Variants in PRKG1 observed in about 807,000 individuals in gnomAD.
PRKG1 encodes protein kinase cGMP-dependent 1, also known as cGMP-dependent protein kinase 1.
Under a neutral mutation model 88.1 loss-of-function variants are expected in PRKG1, and 35 were observed. The ratio of observed to expected loss-of-function variants is 0.40; its 90% CI spans 0.30 to 0.53. The LOEUF (loss-of-function observed/expected upper bound fraction) is 0.53. Among genes scored for constraint, PRKG1 ranks in the 20% least tolerant of loss-of-function variants. The pLI, the probability that PRKG1 is intolerant of heterozygous loss-of-function variation, is 0.59. For missense variants in PRKG1, 540 were observed against 839.8 expected, an observed-to-expected ratio of 0.64 and a Z score of 4.41; for synonymous variants, 303 against 292.5, an observed-to-expected ratio of 1.04 and a Z score of -0.37.
Position 51,806,971 on chromosome 10 carries a change from T to C in PRKG1, c.698+2281T>C, listed in dbSNP as rs1229398366. ...TAAAAGCTGCCTTTCCATGTATACT[T>C]ACCTCATTACACTGAGAAGTCACGT... On this transcript the variant is annotated intron_variant, in intron 4 of 17. Transcript: ENST00000373980. Among the ~76,000 whole-genome samples the C allele has an allele frequency of 4.6e-5, 7 of 152,184 alleles. No homozygotes were observed. The East Asian group carries it at 1.3e-3, about 29-fold the overall frequency.
intron 9 of PRKG1, among the ~76,000 whole-genome samples, chr10:52,219,630 C>G (rs1449286931): frequency 6.6e-6 from 1 of 151,924 alleles, no homozygotes; most frequent in Non-Finnish European, 1.5e-5. Context: ...TTAAATAACC[C>G]CCATACTGGC....
At chr10:51,522,900 T>C (rs771161247) in intron 3 of PRKG1, among the ~76,000 whole-genome samples, 3 of 151,638 alleles carry the variant, frequency 2.0e-5, no homozygotes, top group Non-Finnish European at 4.4e-5. Context: ...AGATTATTAC[T>C]GTATTTATTA....
Position 52,037,707 on chromosome 10 carries a change from C to T in PRKG1, c.763-16777C>T, listed in dbSNP as rs529137823. Among the ~76,000 whole-genome samples, 214 of 152,166 alleles carry T rather than the reference C, an allele frequency of 1.4e-3. 1 individual carries two copies. Among genetic ancestry groups the T allele is most frequent in the African/African-American group, 4.5e-3 (186 of 41,532 alleles). ...AGGAGGGGGAGGGCTAGTCATGGAA[C>T]GAAACTGTAAGCCAGACCAGGTGTG... On this transcript the variant is annotated intron_variant, in intron 5 of 17. Transcript: ENST00000373980.
At chr10:51,541,896 G>T (rs1441419213) in intron 3 of PRKG1, among the ~76,000 whole-genome samples, 1 of 151,918 alleles carries the variant, frequency 6.6e-6, no homozygotes, top group Non-Finnish European at 1.5e-5. Context: ...ATGTAAGATA[G>T]AACTTATTAA....
chr10:52,107,532 A>G (rs1365558057), intron 7 of PRKG1, among the ~76,000 whole-genome samples: 3 of 152,216 alleles, frequency 2.0e-5, no homozygotes, highest in African/African-American at 7.2e-5. Context: ...CAAAATATTT[A>G]TAATATGCAC....
chr10:51,575,953 T>C (rs1269677891), intron 3 of PRKG1, among the ~76,000 whole-genome samples: 1 of 151,982 alleles, frequency 6.6e-6, no homozygotes, highest in Non-Finnish European at 1.5e-5. Context: ...AAATAATACA[T>C]ATTCATTGTT....
intron 5 of PRKG1, among the ~76,000 whole-genome samples, chr10:52,052,452 A>G (rs1413319820): frequency 6.8e-6 from 1 of 146,072 alleles, no homozygotes; most frequent in Non-Finnish European, 1.5e-5. Flanking sequence ...TAATTAAATT[A>G]ACTAGGCATG....
chr10:51,532,217 G>A (rs1282307371), intron 3 of PRKG1, among the ~76,000 whole-genome samples: 3 of 152,134 alleles, frequency 2.0e-5, no homozygotes, highest in African/African-American at 7.2e-5. Flanking sequence ...CTATCTATAG[G>A]CGACTATTGT....
At chr10:51,084,567 T>C (rs1476927529) in intron 1 of PRKG1, among the ~76,000 whole-genome samples, 2 of 152,322 alleles carry the variant, frequency 1.3e-5, no homozygotes, top group East Asian at 1.9e-4. Flanking sequence ...CACTTCTACA[T>C]AGAGGTGGAG....
At chr10:51,759,165 A>G (rs1427277889) in intron 3 of PRKG1, among the ~76,000 whole-genome samples, 1 of 152,180 alleles carries the variant, frequency 6.6e-6, no homozygotes, top group African/African-American at 2.4e-5. Flanking sequence ...ATACATGTGC[A>G]TGTATCTTTA....
chr10:51,916,568 C>T (rs899714437), intron 5 of PRKG1, among the ~76,000 whole-genome samples: 2 of 152,136 alleles, frequency 1.3e-5, no homozygotes, highest in Non-Finnish European at 2.9e-5. Context: ...TCTGTGGACT[C>T]GCCTTGAATT....
intron 1 of PRKG1, among the ~76,000 whole-genome samples, chr10:51,068,312 G>A (rs1218935572): frequency 6.7e-6 from 1 of 149,560 alleles, no homozygotes; most frequent in East Asian, 2.0e-4. Flanking sequence ...TCCCTACTAT[G>A]TCTTTTTGCC....
At chr10:51,155,129 T>G (rs1392058165) in intron 2 of PRKG1, among the ~76,000 whole-genome samples, 2 of 152,062 alleles carry the variant, frequency 1.3e-5, no homozygotes, top group Non-Finnish European at 2.9e-5. Flanking sequence ...TGCTGTTTCA[T>G]TCAAGAAACC....
chr10:52,083,984 T>G (rs1311195178), intron 7 of PRKG1, among the ~76,000 whole-genome samples: 1 of 152,016 alleles, frequency 6.6e-6, no homozygotes, highest in East Asian at 1.9e-4. Flanking sequence ...AAATTCAAGT[T>G]TACATGAATA....
chr10:52,169,184 AC>A (rs1838587876), intron 9 of PRKG1, among the ~76,000 whole-genome samples: 1 of 152,124 alleles, frequency 6.6e-6, no homozygotes, highest in Admixed American at 6.5e-5. Context: ...GGTAGAAGGA[AC>A]ACCACATGCA....
chr10:51,966,825 G>T (rs1309209232), intron 5 of PRKG1, among the ~76,000 whole-genome samples: 2 of 152,114 alleles, frequency 1.3e-5, no homozygotes, highest in African/African-American at 2.4e-5. Context: ...AGCATCACTG[G>T]TCATCAGAGA....
intron 2 of PRKG1, among the ~76,000 whole-genome samples, chr10:51,254,225 A>C (rs149256930): frequency 1.1e-3 from 172 of 152,120 alleles, no homozygotes; most frequent in African/African-American, 3.9e-3. Flanking sequence ...TAAGTATTCT[A>C]ACATAATTTT....
intron 5 of PRKG1, among the ~76,000 whole-genome samples, chr10:52,024,810 A>G (rs1845290618): frequency 6.6e-6 from 1 of 152,204 alleles, no homozygotes; most frequent in Non-Finnish European, 1.5e-5. Flanking sequence ...GTGTCTTTAT[A>G]GTAGCATGAT....
chr10:51,808,266 C>CTTATCACTTTTTTCTTTATGACT (rs1321718599), intron 4 of PRKG1, among the ~76,000 whole-genome samples: 1 of 151,896 alleles, frequency 6.6e-6, no homozygotes, highest in Non-Finnish European at 1.5e-5. Flanking sequence ...CAAAAAGTGA[C>CTTATCACTTTTTTCTTTATGACT]TTATCACTTT....
Sources: allele counts gnomAD v4.1 joint callset (sites outside exome capture counted in the v4.1 genomes callset), GRCh38; gene constraint gnomAD v4.1.1; transcripts MANE v1.5; gene names NCBI Gene and HGNC (gene_info 2026-07-23, HGNC 2026-07-21).